RAD54B: variants seen among roughly 807,000 people sequenced by gnomAD.
The protein encoded by RAD54B is DNA repair and recombination protein RAD54B.
Under a neutral mutation model 95.8 loss-of-function variants are expected in RAD54B, and 78 were observed. The observed-to-expected ratio is 0.81, with a 90% CI of 0.68 to 0.98. The LOEUF (loss-of-function observed/expected upper bound fraction) is 0.98. Among genes scored for constraint, RAD54B ranks in the 50% least tolerant of loss-of-function variants. RAD54B has a pLI of 0.00. For synonymous variants in RAD54B, 328 were observed against 354.9 expected, an observed-to-expected ratio of 0.92 and a Z score of 0.85; for missense variants, 957 against 1,056.6, an observed-to-expected ratio of 0.91 and a Z score of 1.31.
intron 5 of RAD54B, among the ~76,000 whole-genome samples, chr8:94,407,041 T>C (rs1811406441): frequency 6.6e-6 from 1 of 152,202 alleles, no homozygotes; most frequent in Admixed American, 6.5e-5. Context: ...TACACACTAA[T>C]GCTTGTGATC....
At chr8:94,442,027 G>T (rs746789011) in intron 3 of RAD54B, among the ~76,000 whole-genome samples, 1 of 152,068 alleles carries the variant, frequency 6.6e-6, no homozygotes, top group Non-Finnish European at 1.5e-5. Flanking sequence ...TAAAGAAAAT[G>T]AACTGCATAT....
chr8:94,383,828 C>A (rs1351187059), intron 11 of RAD54B, among the ~76,000 whole-genome samples: 1 of 152,002 alleles, frequency 6.6e-6, no homozygotes, highest in Admixed American at 6.5e-5. Flanking sequence ...CAATGATATC[C>A]CACCTCCCAT....
intron 11 of RAD54B, among the ~76,000 whole-genome samples, chr8:94,381,801 C>CA (rs1810747031): frequency 1.3e-5 from 2 of 151,980 alleles, no homozygotes; most frequent in Admixed American, 1.3e-4. Flanking sequence ...ACAGGAATTC[C>CA]AAAGAAAACA....
intron 3 of RAD54B, among the ~76,000 whole-genome samples, chr8:94,455,358 C>T (rs540557589): frequency 2.6e-5 from 4 of 152,208 alleles, no homozygotes; most frequent in African/African-American, 9.6e-5. Context: ...TTTGTTCAGT[C>T]ACAAAACATT....
At chr8:94,396,930 G>A (rs1417051125) in intron 8 of RAD54B, among the ~76,000 whole-genome samples, 1 of 152,118 alleles carries the variant, frequency 6.6e-6, no homozygotes, top group East Asian at 1.9e-4. Context: ...GACATAGGGA[G>A]AAGGCAGCTC....
At chr8:94,469,477 T>C (rs1453507255) in intron 1 of RAD54B, among the ~76,000 whole-genome samples, 1 of 152,206 alleles carries the variant, frequency 6.6e-6, no homozygotes, top group African/African-American at 2.4e-5. Context: ...AATTACCCAG[T>C]CTTGAGTATC....
chr8:94,460,074 C>T (rs1406066464), intron 2 of RAD54B, among the ~76,000 whole-genome samples: 2 of 152,008 alleles, frequency 1.3e-5, no homozygotes, highest in South Asian at 2.1e-4. Flanking sequence ...AGGAGAACGG[C>T]GTGAACCCAG....
Position 94,393,844 on chromosome 8 carries a change from A to G in RAD54B, c.1417T>C (p.Leu473=). Residue 473 remains leucine (L), a synonymous_variant, in exon 9 of 15, where the codon TTA becomes CTA. Transcript: ENST00000336148. ...ATTCCTGGATTTACAAAATCAATTA[A>G]TGCAAAAAATTCTTGCAGATCATTC... ...IQNDLQEFFA[L]IDFVNPGILG... 1 of 1,602,988 alleles carries G rather than the reference A, an allele frequency of 6.2e-7. No homozygotes were observed. Among genetic ancestry groups the G allele is most frequent in the East Asian group, 2.2e-5 (1 of 44,694 alleles).
chr8:94,442,435 C>CGCT (rs1812421166), intron 3 of RAD54B, among the ~76,000 whole-genome samples: 1 of 151,920 alleles, frequency 6.6e-6, no homozygotes. Context: ...ATTAGCCAGG[C>CGCT]GTGGTGGCAG....
intron 3 of RAD54B, among the ~76,000 whole-genome samples, chr8:94,420,477 G>A (rs1191678824): frequency 6.6e-6 from 1 of 151,368 alleles, no homozygotes; most frequent in African/African-American, 2.4e-5. Flanking sequence ...CCAGGCTGGT[G>A]TCGAACTCAT....
At chr8:94,434,465 T>TAA (rs1308262055) in intron 3 of RAD54B, among the ~76,000 whole-genome samples, 3 of 151,850 alleles carry the variant, frequency 2.0e-5, no homozygotes, top group Non-Finnish European at 4.4e-5. Context: ...GAGGTAAAAA[T>TAA]AAAGACATAA....
At chr8:94,429,736 T>C (rs112041923) in intron 3 of RAD54B, 13,901 of 984,278 alleles carry the variant, frequency 0.014, 156 homozygotes, top group Non-Finnish European at 0.015. Context: ...TATCAAGTTA[T>C]ATATTCAGGA....
chr8:94,435,555 A>G (rs779582933), intron 3 of RAD54B, among the ~76,000 whole-genome samples: 5 of 152,090 alleles, frequency 3.3e-5, no homozygotes, highest in Non-Finnish European at 7.4e-5. Context: ...ATTTGTTTAA[A>G]TTACCCTAAA....
intron 10 of RAD54B, 107 bp from the exon 11 acceptor site, chr8:94,387,266 GA>G: frequency 1.1e-6 from 1 of 935,618 alleles, no homozygotes; most frequent in Non-Finnish European, 1.6e-6. Flanking sequence ...ACGGCTATCT[GA>G]AAAGTCCAAG....
At chr8:94,402,251 CTTT>C (rs145064709) in intron 6 of RAD54B, among the ~76,000 whole-genome samples, 2 of 143,920 alleles carry the variant, frequency 1.4e-5, no homozygotes, top group Non-Finnish European at 3.0e-5. Flanking sequence ...TGCTATTTTT[CTTT>C]TTTTTTTTTT....
chr8:94,416,331 A>T (rs2130054779), intron 3 of RAD54B, among the ~76,000 whole-genome samples: 1 of 152,074 alleles, frequency 6.6e-6, no homozygotes, highest in Admixed American at 6.6e-5. Context: ...ACACATGGAC[A>T]CAGGAAGGGG....
At chr8:94,387,974 T>C (rs1488448070) in intron 10 of RAD54B, among the ~76,000 whole-genome samples, 1 of 152,214 alleles carries the variant, frequency 6.6e-6, no homozygotes, top group Non-Finnish European at 1.5e-5. Context: ...GAATACTTTT[T>C]TATTTTGCTG....
rs1811258079 is a variant in RAD54B at position 94,401,162 on chromosome 8, A to G, written c.945-699T>C. Among the ~76,000 whole-genome samples the G allele has an allele frequency of 1.3e-5, 2 of 152,352 alleles. 1 individual carries two copies. Among genetic ancestry groups the G allele is most frequent in the South Asian group, 4.1e-4 (2 of 4,820 alleles). ...GGAATTAAGGATATTACCAAAATAC[A>G]TAAGTATACAGTTGACCACTGAACA... On this transcript the variant is annotated intron_variant, in intron 6 of 14. Coordinates refer to ENST00000336148, the MANE Select transcript of RAD54B (RefSeq NM_012415.3).
At chr8:94,444,322 C>T (rs926164558) in intron 3 of RAD54B, among the ~76,000 whole-genome samples, 5 of 150,624 alleles carry the variant, frequency 3.3e-5, no homozygotes, top group Admixed American at 2.0e-4. Flanking sequence ...AATGCAAACA[C>T]ATTATGATCT....
Sources: gnomAD v4.1 joint callset for allele counts (sites outside exome capture counted in the v4.1 genomes callset) on GRCh38, gnomAD v4.1.1 for gene constraint, MANE v1.5 for transcripts, NCBI Gene and HGNC (gene_info 2026-07-23, HGNC 2026-07-21) for gene names.